The following LRFN2 variants were observed in gnomAD, a reference collection of about 807,000 sequenced individuals.
LRFN2 encodes the protein leucine rich repeat and fibronectin type III domain containing 2.
Under a neutral mutation model 37.3 loss-of-function variants are expected in LRFN2, and 18 were observed. The ratio of observed to expected loss-of-function variants is 0.48; its 90% confidence interval spans 0.33 to 0.72. The LOEUF (loss-of-function observed/expected upper bound fraction) is 0.72, where lower values mean the gene tolerates loss of function less well. Among genes scored for constraint, LRFN2 ranks in the 30% least tolerant of loss-of-function variants. LRFN2 has a pLI of 0.02. For synonymous variants in LRFN2, 556 were observed against 466.6 expected (o/e 1.19, Z -2.47); for missense variants, 1,006 against 1,060.7 (o/e 0.95, Z 0.72).
intron 1 of LRFN2, among the ~76,000 whole-genome samples, chr6:40,548,259 G>C (rs1030898814): frequency 2.6e-5 from 4 of 152,270 alleles, no homozygotes; most frequent in African/African-American, 9.6e-5. Flanking sequence ...GGCCAACCTG[G>C]TGAAACCCTG....
At position 40,432,934 on chromosome 6, in the gene LRFN2, G is replaced by A. The variant is rs144994808; in HGVS notation, c.180C>T (p.Gly60=). 422 of 1,613,926 alleles carry A rather than the reference G, an allele frequency of 2.6e-4. No homozygotes were observed. In the African/African-American group the frequency reaches 3.0e-3, roughly 11 times the overall value. The change falls in exon 2 of 3, where the codon GGC becomes GGT. Residue 60 remains glycine, a synonymous_variant. Transcript: ENST00000338305. ...GGCTGATGTGGATGATGAAGTTGCC[G>A]CCCAGGCGCAGCTCCACTGTCCGCC... ...IDRRTVELRL[G]GNFIIHISRQ... is the part of the protein sequence containing the mutation.
chr6:40,485,014 C>T (rs1764921601), intron 1 of LRFN2, among the ~76,000 whole-genome samples: 2 of 152,206 alleles, frequency 1.3e-5, no homozygotes, highest in African/African-American at 4.8e-5. Context: ...GGATTTGAGG[C>T]ACTCACAATA....
At chr6:40,570,312 C>T (rs1015609104) in intron 1 of LRFN2, among the ~76,000 whole-genome samples, 24 of 152,304 alleles carry the variant, frequency 1.6e-4, no homozygotes, top group Admixed American at 1.1e-3. Context: ...TTGCCATGTG[C>T]CAGACACTGT....
At chr6:40,430,912 G>T (rs1394330611) in intron 2 of LRFN2, among the ~76,000 whole-genome samples, 2 of 152,140 alleles carry the variant, frequency 1.3e-5, no homozygotes, top group Non-Finnish European at 2.9e-5. Flanking sequence ...CTGCTTAGAG[G>T]ACCCAGCAGA....
intron 2 of LRFN2, among the ~76,000 whole-genome samples, chr6:40,420,859 A>G (rs9349154): frequency 0.1 from 15,605 of 152,252 alleles, 1,628 homozygotes; most frequent in African/African-American, 0.26. Flanking sequence ...GGCTCAGGAA[A>G]CTGTGGTAAG....
intron 1 of LRFN2, among the ~76,000 whole-genome samples, chr6:40,509,165 G>A (rs1482288389): frequency 6.6e-6 from 1 of 152,218 alleles, no homozygotes; most frequent in African/African-American, 2.4e-5. Flanking sequence ...CCTAGCCAAG[G>A]ATGACACACT....
At chr6:40,506,843 C>T (rs965377321) in intron 1 of LRFN2, among the ~76,000 whole-genome samples, 1 of 152,192 alleles carries the variant, frequency 6.6e-6, no homozygotes, top group South Asian at 2.1e-4. Flanking sequence ...CCTTGCAAAT[C>T]TGGGCATCTC....
rs761401475 is a variant in LRFN2, at chr6:40,432,256, G to A, written c.858C>T (p.Cys286=). ...TGTGCTGGGTGATGAGAGGCGGCTC[G>A]CACACAAACTCCTCCTCACGCACAT... ...FWHVREEEFV[C]EPPLITQHTH... is the part of the protein sequence containing the mutation. The change falls in exon 2 of 3, where the codon TGC becomes TGT. Residue 286 remains cysteine, a synonymous_variant. Transcript: ENST00000338305. 2.2e-5 allele frequency: 36 copies of A among 1,613,808 alleles called. No individual in the cohort carries two copies. Among genetic ancestry groups the A allele is most frequent in the East Asian group, 1.6e-4 (7 of 44,888 alleles).
chr6:40,399,592 C>G (rs547985341), intron 2 of LRFN2, among the ~76,000 whole-genome samples: 1 of 151,394 alleles, frequency 6.6e-6, no homozygotes, highest in Non-Finnish European at 1.5e-5. Flanking sequence ...TGCACGCCAC[C>G]AAGCCTGGCT....
chr6:40,515,061 A>G (rs914405401), intron 1 of LRFN2, among the ~76,000 whole-genome samples: 1 of 152,222 alleles, frequency 6.6e-6, no homozygotes, highest in Non-Finnish European at 1.5e-5. Flanking sequence ...AATCCAGAAC[A>G]GTGGATAATC....
At chr6:40,439,047 G>A (rs1763764561) in intron 1 of LRFN2, among the ~76,000 whole-genome samples, 1 of 152,072 alleles carries the variant, frequency 6.6e-6, no homozygotes, top group Non-Finnish European at 1.5e-5. Context: ...CCCAGCCAGG[G>A]GCTTCCTCCC....
At chr6:40,570,542 C>T (rs2113794224) in intron 1 of LRFN2, among the ~76,000 whole-genome samples, 1 of 152,284 alleles carries the variant, frequency 6.6e-6, no homozygotes, top group East Asian at 1.9e-4. Flanking sequence ...TGTCCCTTCC[C>T]CATTCCTGCC....
chr6:40,543,779 G>A (rs1185606194), intron 1 of LRFN2, among the ~76,000 whole-genome samples: 1 of 152,192 alleles, frequency 6.6e-6, no homozygotes, highest in Non-Finnish European at 1.5e-5. Context: ...TGCTGAAAAG[G>A]GATTCCACCT....
intron 2 of LRFN2, among the ~76,000 whole-genome samples, chr6:40,422,530 G>A (rs1763251962): frequency 6.6e-6 from 1 of 151,916 alleles, no homozygotes; most frequent in Admixed American, 6.5e-5. Flanking sequence ...CCTGGACTCG[G>A]GGTCAGAATG....
chr6:40,447,476 T>C (rs995904011), intron 1 of LRFN2, among the ~76,000 whole-genome samples: 1 of 152,228 alleles, frequency 6.6e-6, no homozygotes, highest in South Asian at 2.1e-4. Flanking sequence ...CTGAACTAAA[T>C]GGGGACCTGA....
At chr6:40,500,180 C>G (rs1420717077) in intron 1 of LRFN2, among the ~76,000 whole-genome samples, 1 of 152,234 alleles carries the variant, frequency 6.6e-6, no homozygotes, top group Non-Finnish European at 1.5e-5. Flanking sequence ...CCCCGGAGAC[C>G]GGGAGGCTCT....
At chr6:40,498,517 C>T (rs1561880575) in intron 1 of LRFN2, among the ~76,000 whole-genome samples, 1 of 152,084 alleles carries the variant, frequency 6.6e-6, no homozygotes, top group Non-Finnish European at 1.5e-5. Flanking sequence ...CATATCTTTA[C>T]AAAAAAAGCA....
chr6:40,432,231 T>C lies in LRFN2; in HGVS notation c.883A>G (p.Thr295Ala). The change falls in exon 2 of 3, where the codon ACA (threonine) becomes GCA (alanine). Residue 295 changes from threonine to alanine, a missense_variant. Transcript: ENST00000338305. Reference sequence around the variant, plus strand: ...CCCTCCAGAACCAGCAACTTGTGTGTGTGCTGGGTGATGAGAGGCGGCTCG... The same window carrying C: ...CCCTCCAGAACCAGCAACTTGTGTGCGTGCTGGGTGATGAGAGGCGGCTCG... The part of the protein sequence containing the change: ...VCEPPLITQH[T>A]HKLLVLEGQA... 4.3e-6 allele frequency: 7 copies of C among 1,614,024 alleles called. No individual in the cohort carries two copies. The highest frequency in any genetic ancestry group is 5.9e-6 in the Non-Finnish European group (7 of 1,180,024).
intron 1 of LRFN2, among the ~76,000 whole-genome samples, chr6:40,526,901 G>A (rs1766265956): frequency 6.6e-6 from 1 of 152,198 alleles, no homozygotes; most frequent in Admixed American, 6.5e-5. Context: ...GGTCTGCCTG[G>A]CTCCTGGGAT....
Sources: allele counts gnomAD v4.1 joint callset (sites outside exome capture counted in the v4.1 genomes callset), GRCh38; gene constraint gnomAD v4.1.1; transcripts MANE v1.5; gene names NCBI Gene and HGNC (gene_info 2026-07-23, HGNC 2026-07-21).